The following DLG2 variants were observed in gnomAD, a reference collection of about 807,000 sequenced individuals.
DLG2 encodes disks large homolog 2.
DLG2 carries 45 observed loss-of-function variants against 132.5 expected under a neutral mutation model. That is an observed-to-expected ratio of 0.34 (90% CI 0.27 to 0.44). The LOEUF is 0.44. Among genes scored for constraint, DLG2 ranks in the 20% least tolerant of loss-of-function variants. The probability of loss-of-function intolerance (pLI) is 1.00; values close to 1 mark genes in which losing one functional copy is unlikely to be tolerated. For synonymous variants in DLG2, 424 were observed against 419.6 expected (o/e 1.01, Z -0.13); for missense variants, 1,045 against 1,196.9 (o/e 0.87, Z 1.87).
At chr11:83,534,672 C>G (rs759314463) in intron 20 of DLG2, among the ~76,000 whole-genome samples, 1 of 152,194 alleles carries the variant, frequency 6.6e-6, no homozygotes, top group Non-Finnish European at 1.5e-5. Flanking sequence ...CGGTGGCTCA[C>G]GCCTGTAATC....
chr11:84,126,770 A>T (rs542656969), intron 9 of DLG2, among the ~76,000 whole-genome samples: 1 of 152,192 alleles, frequency 6.6e-6, no homozygotes, highest in Non-Finnish European at 1.5e-5. Flanking sequence ...TTAATTTACA[A>T]TTATTTTATA....
intron 6 of DLG2, among the ~76,000 whole-genome samples, chr11:84,675,597 G>A (rs2099710411): frequency 6.6e-6 from 1 of 151,948 alleles, no homozygotes; most frequent in Admixed American, 6.6e-5. Flanking sequence ...GCATTTTCTG[G>A]TTCACATAGC....
chr11:83,542,165 C>T (rs2096089377), intron 19 of DLG2, among the ~76,000 whole-genome samples: 1 of 152,086 alleles, frequency 6.6e-6, no homozygotes, highest in Non-Finnish European at 1.5e-5. Context: ...ACTTTACTAC[C>T]TAGTTGAGAT....
intron 3 of DLG2, among the ~76,000 whole-genome samples, chr11:85,503,822 T>A (rs973836419): frequency 6.6e-6 from 1 of 152,008 alleles, no homozygotes; most frequent in African/African-American, 2.4e-5. Context: ...GTCCCAGCTA[T>A]TCAGGAGGCT....
intron 10 of DLG2, among the ~76,000 whole-genome samples, chr11:84,065,220 G>A (rs2096653194): frequency 6.6e-6 from 1 of 152,082 alleles, no homozygotes; most frequent in African/African-American, 2.4e-5. Flanking sequence ...TTGACAAATG[G>A]GACCTAATCA....
At position 83,486,073 on chromosome 11, in the gene DLG2, A is replaced by G. The variant is rs1397065858; in HGVS notation, c.2194-1845T>C. 3 of 517,556 alleles carry G rather than the reference A, an allele frequency of 5.8e-6. No homozygotes were observed. In the Admixed American group the frequency reaches 1.1e-4, roughly 19 times the overall value. The allele number at this position is 517,556 out of a possible 1,614,324, so 32.1% of individuals were successfully genotyped here. The stretch of plus-strand genomic sequence containing the variant: ...ATTTATTACTCTGCTGACAGCACCT[A>G]TGTTCAATATAGTTTTATCATCAAT... On this transcript the variant is annotated intron_variant, in intron 21 of 27. Transcript: ENST00000376104.
At chr11:84,084,935 T>A (rs2096955559) in intron 10 of DLG2, among the ~76,000 whole-genome samples, 1 of 152,176 alleles carries the variant, frequency 6.6e-6, no homozygotes, top group Non-Finnish European at 1.5e-5. Context: ...CATTTGTTCA[T>A]ATTGTATCTG....
intron 3 of DLG2, among the ~76,000 whole-genome samples, chr11:85,289,473 G>T (rs371177657): frequency 1.3e-5 from 2 of 152,072 alleles, no homozygotes; most frequent in East Asian, 1.9e-4. Context: ...TCATCATCAA[G>T]AAATTATTTT....
At chr11:84,610,432 A>G (rs1312044168) in intron 6 of DLG2, among the ~76,000 whole-genome samples, 2 of 152,130 alleles carry the variant, frequency 1.3e-5, no homozygotes, top group African/African-American at 4.8e-5. Context: ...AACTTCATCA[A>G]TATAGTCATA....
intron 11 of DLG2, among the ~76,000 whole-genome samples, chr11:84,057,914 G>C (rs77548267): frequency 0.012 from 1,815 of 152,270 alleles, 35 homozygotes; most frequent in African/African-American, 0.041. Context: ...GGGCTGTAGA[G>C]TCTGCATCTT....
intron 7 of DLG2, among the ~76,000 whole-genome samples, chr11:84,260,095 T>A (rs1317110910): frequency 2.0e-5 from 3 of 152,118 alleles, no homozygotes; most frequent in African/African-American, 7.2e-5. Context: ...TAAATGAATA[T>A]CCTATGAATA....
In DLG2 at chr11:83,814,093, C is replaced by CA. The variant is rs1029950270; in HGVS notation, c.1722+19520dup. ...TGAGTATAATATAAGCCCATCAGAC[C>CA]AAAAAAATATTAGAACGTATTTAAA... is the stretch of plus-strand genomic sequence containing the variant. On this transcript the variant is annotated intron_variant, in intron 17 of 27. Coordinates refer to ENST00000376104, the MANE Select transcript of DLG2 (RefSeq NM_001142699.3). Among the ~76,000 whole-genome samples the CA allele has an allele frequency of 2.6e-5, 4 of 151,622 alleles. No individual in the cohort carries two copies. The East Asian group carries it at 7.8e-4, about 29-fold the overall frequency.
At chr11:84,128,878 TCAA>T (rs1194706627) in intron 9 of DLG2, among the ~76,000 whole-genome samples, 2 of 152,310 alleles carry the variant, frequency 1.3e-5, no homozygotes, top group South Asian at 2.1e-4. Flanking sequence ...ACTTCAGAGT[TCAA>T]CATACAATTT....
At chr11:84,846,149 A>T (rs149030152) in intron 6 of DLG2, among the ~76,000 whole-genome samples, 1 of 152,000 alleles carries the variant, frequency 6.6e-6, no homozygotes, top group East Asian at 1.9e-4. Context: ...AATATCATAC[A>T]TATTCTTATG....
intron 4 of DLG2, among the ~76,000 whole-genome samples, chr11:85,252,475 A>G (rs963308501): frequency 1.3e-5 from 2 of 152,178 alleles, no homozygotes; most frequent in African/African-American, 2.4e-5. Context: ...AGTCCCAGAT[A>G]CTTGGGAGGC....
chr11:84,736,822 C>G (rs544969686), intron 6 of DLG2, among the ~76,000 whole-genome samples: 2 of 151,894 alleles, frequency 1.3e-5, no homozygotes, highest in Non-Finnish European at 2.9e-5. Context: ...CATCTGTAAA[C>G]AAAAATGAGT....
chr11:85,455,837 G>A (rs1159010187), intron 3 of DLG2, among the ~76,000 whole-genome samples: 3 of 152,110 alleles, frequency 2.0e-5, no homozygotes, highest in African/African-American at 7.2e-5. Context: ...ATTTGCATAT[G>A]TTGAGCCAAG....
intron 7 of DLG2, among the ~76,000 whole-genome samples, chr11:84,339,200 G>C (rs935882018): frequency 6.6e-6 from 1 of 152,034 alleles, no homozygotes; most frequent in East Asian, 1.9e-4. Flanking sequence ...GGAGGGTTAC[G>C]GGCTGATCAT....
chr11:83,633,419 G>C, intron 18 of DLG2, 94 bp from the exon 19 acceptor site: 1 of 967,064 alleles, frequency 1.0e-6, no homozygotes, highest in Non-Finnish European at 1.6e-6. Context: ...CACGTTGTTG[G>C]TTCCTTTGCC....
Sources: gnomAD v4.1 joint callset for allele counts (sites outside exome capture counted in the v4.1 genomes callset) on GRCh38, gnomAD v4.1.1 for gene constraint, MANE v1.5 for transcripts, NCBI Gene and HGNC (gene_info 2026-07-23, HGNC 2026-07-21) for gene names.